C9orf78: variants seen among roughly 807,000 people sequenced by gnomAD.
C9orf78 encodes splicing factor C9orf78.
A neutral mutation model predicts 37.4 loss-of-function variants in C9orf78; 19 were observed. The observed-to-expected ratio is 0.51, with a 90% CI of 0.35 to 0.74. The LOEUF (loss-of-function observed/expected upper bound fraction) is 0.74, where lower values mean the gene tolerates loss of function less well. C9orf78 is among the 30% of genes least tolerant of loss of function. The pLI, the probability that C9orf78 is intolerant of heterozygous loss-of-function variation, is 0.01. For synonymous variants in C9orf78, 130 were observed against 128.0 expected (o/e 1.02, Z -0.10); for missense variants, 291 against 370.8 (o/e 0.78, Z 1.77).
chr9:129,828,225 G>C lies in C9orf78; in HGVS notation c.806C>G (p.Ala269Gly), dbSNP rs1344626868. Residue 269 changes from alanine (A) to glycine (G), a missense_variant, in exon 9 of 9, where the codon GCT becomes GGT. Ala to Gly is a moderately conservative substitution (Grantham distance 60, BLOSUM62 0). Around this residue, in one of 3 missense-constraint regions of C9orf78, gnomAD observed 120 missense variants for 148.7 expected, o/e 0.81. Transcript: ENST00000372447. ...ERSPPNRKRP[A>G]NEKATDDYHY... ...ATAGTCATCAGTTGCCTTCTCGTTA[G>C]CAGGACGCTTGCGGTTAGGAGGGGA... 6.2e-7 allele frequency: 1 copy of C among 1,606,756 alleles called. No homozygotes were observed. The highest frequency in any genetic ancestry group is 8.5e-7 in the Non-Finnish European group (1 of 1,174,286).
intron 4 of C9orf78, 88 bp from the exon 5 acceptor site, chr9:129,832,061 A>T: frequency 1.4e-6 from 1 of 737,030 alleles, no homozygotes; most frequent in African/African-American, 1.7e-5. Flanking sequence ...CAAAGACATA[A>T]GCATTTATAA....
chr9:129,828,290 C>T (rs1205090732), intron 8 of C9orf78, 38 bp from the exon 9 acceptor site: 1 of 1,180,066 alleles, frequency 8.5e-7, no homozygotes. Context: ...GTTTGCCATG[C>T]TGGAACCCAC....
At chr9:129,829,334 G>C (rs768829061) in intron 7 of C9orf78, 31 bp from the exon 8 acceptor site, 5 of 1,602,350 alleles carry the variant, frequency 3.1e-6, no homozygotes, top group East Asian at 2.2e-5. Context: ...GGACACGTTA[G>C]AACATGAGGT....
At chr9:129,833,096 T>C (rs1429365269) in intron 4 of C9orf78, among the ~76,000 whole-genome samples, 2 of 144,940 alleles carry the variant, frequency 1.4e-5, no homozygotes, top group Non-Finnish European at 3.0e-5. Context: ...TGTGTATACA[T>C]ACACACTTTT....
intron 6 of C9orf78, 57 bp from the exon 7 acceptor site, chr9:129,829,598 C>T: frequency 6.6e-7 from 1 of 1,504,168 alleles, no homozygotes; most frequent in South Asian, 1.2e-5. Flanking sequence ...ACTACTCAGA[C>T]ATGAGTGGTG....
chr9:129,835,168 C>T lies in C9orf78; in HGVS notation c.54G>A (p.Glu18=). 3 of 1,611,694 alleles carry T rather than the reference C, an allele frequency of 1.9e-6. No individual in the cohort carries two copies. Among genetic ancestry groups the T allele is most frequent in the Admixed American group, 3.3e-5 (2 of 59,764 alleles). Residue 18 remains glutamate, a synonymous_variant, in exon 1 of 9, where the codon GAG becomes GAA. Transcript: ENST00000372447. ...FRRRRGDSES[E]EDEQDSEEVR... is the part of the protein sequence containing the mutation. ...CCTCCTCTGAGTCCTGCTCATCTTC[C>T]TCTGACTCCGAGTCGCCCCGGCGGC...
At chr9:129,834,860 C>T in intron 1 of C9orf78, 94 bp from the exon 2 acceptor site, 1 of 981,808 alleles carries the variant, frequency 1.0e-6, no homozygotes, top group Admixed American at 1.8e-5. Context: ...TCGAGGGCAT[C>T]CCAGCCCAGC....
chr9:129,835,240 G>C lies in C9orf78; in HGVS notation c.-19C>G. 3.2e-6 allele frequency: 5 copies of C among 1,585,822 alleles called. No individual in the cohort carries two copies. The highest frequency in any genetic ancestry group is 4.3e-6 in the Non-Finnish European group (5 of 1,162,674). ...CCGGCATGGTGACAACGGCCGAGTTGTACAGCCGCCGCGCCTCTGCGCAGC... is the reference window on the plus strand; with the variant it reads ...CCGGCATGGTGACAACGGCCGAGTTCTACAGCCGCCGCGCCTCTGCGCAGC... On this transcript the variant is annotated 5_prime_UTR_variant, in exon 1 of 9. Coordinates refer to ENST00000372447, the MANE Select transcript of C9orf78 (RefSeq NM_016520.3).
Position 129,834,782 on chromosome 9 carries a change from G to C in C9orf78, c.84-16C>G. On this transcript the variant is annotated splice_polypyrimidine_tract_variant and intron_variant, in intron 1 of 8. Coordinates refer to ENST00000372447, the MANE Select transcript of C9orf78 (RefSeq NM_016520.3). ...CAGTTTTAATCTTTAAAAAGAAGAA[G>C]AAGCAGCAATGCATAAGCTGAGTGA... The C allele has an allele frequency of 6.3e-7, 1 of 1,597,508 alleles. No homozygotes were observed. The highest frequency in any genetic ancestry group is 1.1e-5 in the South Asian group (1 of 90,676).
In C9orf78 at chr9:129,829,264, T is replaced by C; in HGVS notation, c.719A>G (p.Lys240Arg). 6.2e-7 allele frequency: 1 copy of C among 1,612,230 alleles called. No homozygotes were observed. The highest frequency in any genetic ancestry group is 8.5e-7 in the Non-Finnish European group (1 of 1,179,268). Reference sequence around the variant, plus strand: ...CAAGGGCCGGGCCTTGGGCTCTTCTTTGTTTCTCCGTATGGGCGCGTTGAG... The same window carrying C: ...CAAGGGCCGGGCCTTGGGCTCTTCTCTGTTTCTCCGTATGGGCGCGTTGAG... The part of the protein sequence containing the change: ...EELNAPIRRN[K>R]EEPKARPLRV... The change falls in exon 8 of 9, where the codon AAA becomes AGA. Residue 240 changes from lysine (K) to arginine (R), a missense_variant. Coordinates refer to ENST00000372447, the MANE Select transcript of C9orf78 (RefSeq NM_016520.3).
At chr9:129,833,538 T>G in intron 3 of C9orf78, 21 bp from the exon 4 acceptor site, 1 of 1,568,778 alleles carries the variant, frequency 6.4e-7, no homozygotes. Context: ...CAAACACAGT[T>G]AAGAGGAAGC....
Position 129,835,162 on chromosome 9 carries a change from A to C in C9orf78, c.60T>G (p.Asp20Glu). Residue 20 changes from aspartate (D) to glutamate (E), a missense_variant, in exon 1 of 9, where the codon GAT (aspartate) becomes GAG (glutamate). Asp to Glu is a conservative substitution (Grantham distance 45, BLOSUM62 2). Transcript: ENST00000372447. ...RRRGDSESEE[D>E]EQDSEEVRLK... ...ACCGAACCTCCTCTGAGTCCTGCTC[A>C]TCTTCCTCTGACTCCGAGTCGCCCC... 6.2e-7 allele frequency: 1 copy of C among 1,611,264 alleles called. No homozygotes were observed. Among genetic ancestry groups the C allele is most frequent in the Non-Finnish European group, 8.5e-7 (1 of 1,178,828 alleles).
intron 6 of C9orf78, chr9:129,830,601 C>T (rs1342981134): frequency 1.2e-5 from 5 of 425,056 alleles, no homozygotes; most frequent in East Asian, 5.0e-5. Context: ...GCAACCTCCA[C>T]CTTCAGGGTT....
In C9orf78 at chr9:129,829,323, G is replaced by A. The variant is rs1322953826; in HGVS notation, c.680-20C>T. On this transcript the variant is annotated intron_variant, in intron 7 of 8. Coordinates refer to ENST00000372447, the MANE Select transcript of C9orf78 (RefSeq NM_016520.3). ...GATAAACTGGACCCAAAGAGACCAGGGGACACGTTAGAACATGAGGTTCCT... is the reference window on the plus strand; with the variant it reads ...GATAAACTGGACCCAAAGAGACCAGAGGACACGTTAGAACATGAGGTTCCT... 2 of 1,601,772 alleles carry A rather than the reference G, an allele frequency of 1.2e-6. No individual in the cohort carries two copies. Among genetic ancestry groups the A allele is most frequent in the East Asian group, 4.5e-5 (2 of 44,714 alleles).
chr9:129,829,590 T>C, intron 6 of C9orf78, 49 bp from the exon 7 acceptor site: 5 of 1,549,090 alleles, frequency 3.2e-6, no homozygotes, highest in Non-Finnish European at 4.4e-6. Flanking sequence ...AGCACCTTAC[T>C]ACTCAGACAT....
At chr9:129,828,583 C>T (rs2131012388) in intron 8 of C9orf78, 1 of 242,232 alleles carries the variant, frequency 4.1e-6, no homozygotes, top group Middle Eastern at 1.6e-3. Context: ...GCCACCTCAC[C>T]TGGCTAATTT....
Position 129,835,188 on chromosome 9 carries a change from G to A in C9orf78, c.34C>T (p.Arg12Trp). The A allele has an allele frequency of 6.2e-7, 1 of 1,610,280 alleles. No homozygotes were observed. Among genetic ancestry groups the A allele is most frequent in the Non-Finnish European group, 8.5e-7 (1 of 1,178,816 alleles). The change falls in exon 1 of 9, where the codon CGG (arginine) becomes TGG (tryptophan). Residue 12 changes from arginine to tryptophan, a missense_variant. Physicochemically the swap from Arg to Trp is moderately radical, Grantham distance 101. This residue lies in a region of C9orf78 where 158 missense variants were observed against 174.8 expected (regional missense o/e 0.90). Coordinates refer to ENST00000372447, the MANE Select transcript of C9orf78 (RefSeq NM_016520.3). ...PVVRKIFRRR[R>W]GDSESEEDEQ... ...TCTTCCTCTGACTCCGAGTCGCCCC[G>A]GCGGCGACGGAAAATCTTCCGGACG...
At chr9:129,833,858 A>G (rs1044949984) in intron 2 of C9orf78, 149 bp from the exon 3 acceptor site, 9 of 642,684 alleles carry the variant, frequency 1.4e-5, no homozygotes, top group African/African-American at 3.6e-5. Context: ...GGAAAAGCCT[A>G]TAAGCATAAG....
At chr9:129,831,313 A>G (rs2031490332) in intron 5 of C9orf78, 1 of 521,706 alleles carries the variant, frequency 1.9e-6, no homozygotes, top group African/African-American at 1.9e-5. Flanking sequence ...GAAAGATGAT[A>G]GTTTGCCAAT....
Sources: allele counts gnomAD v4.1 joint callset (sites outside exome capture counted in the v4.1 genomes callset), GRCh38; gene constraint gnomAD v4.1.1; regional missense constraint gnomAD v4.1.1; transcripts MANE v1.5; gene names NCBI Gene and HGNC (gene_info 2026-07-23, HGNC 2026-07-21).